Variants in ELAC2 observed in about 807,000 individuals in gnomAD.
ELAC2 encodes the protein zinc phosphodiesterase ELAC protein 2.
ELAC2 carries 92 observed loss-of-function variants against 105.2 expected under a neutral mutation model. The ratio of observed to expected loss-of-function variants is 0.87; its 90% confidence interval spans 0.74 to 1.04. The LOEUF is 1.04. Among genes scored for constraint, ELAC2 ranks in the 50% least tolerant of loss-of-function variants. The pLI, the probability that ELAC2 is intolerant of heterozygous loss-of-function variation, is 0.00. For missense variants in ELAC2, 1,099 were observed against 1,071.7 expected (o/e 1.03, Z -0.36); for synonymous variants, 468 against 409.1 (o/e 1.14, Z -1.74).
Position 12,995,925 on chromosome 17 carries a change from A to G in ELAC2, c.1698+15T>C. ...ACCGCTGAAACTCAGAACGCCCATC[A>G]AGTGCCACACTTACCAAGGCGCGTT... On this transcript the variant is annotated intron_variant, in intron 18 of 23. Transcript: ENST00000338034. The G allele has an allele frequency of 6.3e-7, 1 of 1,592,210 alleles. No individual in the cohort carries two copies. Among genetic ancestry groups the G allele is most frequent in the Non-Finnish European group, 8.6e-7 (1 of 1,167,750 alleles).
chr17:13,009,174 G>GA (rs1179656408), intron 8 of ELAC2, among the ~76,000 whole-genome samples: 11 of 152,264 alleles, frequency 7.2e-5, no homozygotes, highest in South Asian at 2.1e-4. Context: ...TAACTTTTAT[G>GA]AAAATCACAT....
intron 4 of ELAC2, among the ~76,000 whole-genome samples, chr17:13,014,996 G>A (rs55925335): frequency 0.086 from 13,061 of 152,298 alleles, 775 homozygotes; most frequent in Middle Eastern, 0.19. Flanking sequence ...GCAGTTCAGC[G>A]ATGGGTACAG....
chr17:12,995,718 A>ATTCT lies in ELAC2; in HGVS notation c.1792_1793insAGAA (p.Val598GlufsTer19). On this transcript the variant is annotated frameshift_variant, in exon 19 of 24. Coordinates refer to ENST00000338034, the MANE Select transcript of ELAC2 (RefSeq NM_018127.7). LOFTEE classifies it high-confidence loss of function. ...GGATGCTCACCTGATGTGGTGCAGGACCTCCTGGCACTGGTTGTGGTACTG... is the reference window on the plus strand; with the variant it reads ...GGATGCTCACCTGATGTGGTGCAGGATTCTCCTCCTGGCACTGGTTGTGGTACTG... 1 of 1,611,610 alleles carries ATTCT rather than the reference A, an allele frequency of 6.2e-7. No homozygotes were observed. Among genetic ancestry groups the ATTCT allele is most frequent in the South Asian group, 1.1e-5 (1 of 90,388 alleles).
chr17:12,997,103 C>T (rs1477199870), intron 16 of ELAC2, among the ~76,000 whole-genome samples: 1 of 152,162 alleles, frequency 6.6e-6, no homozygotes, highest in Non-Finnish European at 1.5e-5. Context: ...TCGGACTTTT[C>T]CCCCTTTGCA....
At position 12,993,031 on chromosome 17, in the gene ELAC2, GTC is replaced by G. The variant is rs2040267666; in HGVS notation, c.2266_2267del (p.Asp756LeufsTer112). 2 of 1,603,432 alleles carry G rather than the reference GTC, an allele frequency of 1.2e-6. No individual in the cohort carries two copies. The highest frequency in any genetic ancestry group is 1.7e-6 in the Non-Finnish European group (2 of 1,178,762). On this transcript the variant is annotated frameshift_variant, in exon 24 of 24. Coordinates refer to ENST00000338034, the MANE Select transcript of ELAC2 (RefSeq NM_018127.7). LOFTEE classifies it low-confidence loss of function (END_TRUNC). ...GAATCAGCTTGGGCATTGTTGGAAA[GTC>G]TCCAAAGCAGACCTAGAAGACACAA... The part of the protein sequence containing the change: ...AFDHMKVCFG[D>X]FPTMPKLIPP...
intron 11 of ELAC2, among the ~76,000 whole-genome samples, chr17:13,004,507 C>T (rs545576830): frequency 3.3e-5 from 5 of 152,184 alleles, no homozygotes; most frequent in Non-Finnish European, 7.3e-5. Context: ...TGGTTAACTT[C>T]GATAGAGGAC....
At position 13,013,229 on chromosome 17, in the gene ELAC2, T is replaced by G. The variant is rs755930395; in HGVS notation, c.537A>C (p.Thr179=). ...SAPEYEDETM[T]VYQIPIHSEQ... ...CACTGTGTATGGGGATCTGGTAAAC[T>G]GTCATGGTTTCATCCTCGTATTCTG... The change falls in exon 6 of 24, where the codon ACA becomes ACC. Residue 179 remains threonine, a synonymous_variant. Coordinates refer to ENST00000338034, the MANE Select transcript of ELAC2 (RefSeq NM_018127.7). The G allele has an allele frequency of 2.2e-5, 35 of 1,614,200 alleles. 1 individual carries two copies. The South Asian group carries it at 2.3e-4, about 11-fold the overall frequency.
chr17:13,016,424 TA>T, intron 3 of ELAC2, among the ~76,000 whole-genome samples: 1 of 152,316 alleles, frequency 6.6e-6, no homozygotes, highest in East Asian at 1.9e-4. Flanking sequence ...GTGGTATCCA[TA>T]TTAAAATCTG....
Position 13,002,495 on chromosome 17 carries a change from C to G in ELAC2, c.1164G>C (p.Gln388His). 2 of 1,607,282 alleles carry G rather than the reference C, an allele frequency of 1.2e-6. No homozygotes were observed. The highest frequency in any genetic ancestry group is 1.7e-6 in the Non-Finnish European group (2 of 1,176,408). Residue 388 changes from glutamine (Q) to histidine (H), a missense_variant, in exon 13 of 24, where the codon CAG becomes CAC. Coordinates refer to ENST00000338034, the MANE Select transcript of ELAC2 (RefSeq NM_018127.7). ...HNLRSHKIQT[Q>H]LNLIHPDIFP... ...AGATGTCCGGGTGGATGAGGTTGAG[C>G]TGGGTTTGAATCTTGTGGCTGCGAA...
In ELAC2 at chr17:13,011,791, T is replaced by C; in HGVS notation, c.560-9A>G. On this transcript the variant is annotated splice_polypyrimidine_tract_variant and intron_variant, in intron 6 of 23. Transcript: ENST00000338034. Reference sequence around the variant, plus strand: ...TCCCCTCCTCTGTTCACCTGGTCAGTACAGATACCACCAAATTACACACTG... The same window carrying C: ...TCCCCTCCTCTGTTCACCTGGTCAGCACAGATACCACCAAATTACACACTG... 6.2e-7 allele frequency: 1 copy of C among 1,614,130 alleles called. No homozygotes were observed. Among genetic ancestry groups the C allele is most frequent in the East Asian group, 2.2e-5 (1 of 44,868 alleles).
intron 7 of ELAC2, among the ~76,000 whole-genome samples, chr17:13,011,260 T>TGGAAGAC (rs915749713): frequency 1.2e-4 from 18 of 152,378 alleles, no homozygotes; most frequent in East Asian, 1.2e-3. Context: ...GCTGTCATTC[T>TGGAAGAC]GGAAGACGTG....
At chr17:12,996,216 C>T (rs1227975827) in intron 17 of ELAC2, 32 of 635,692 alleles carry the variant, frequency 5.0e-5, no homozygotes, top group Non-Finnish European at 8.2e-5. Context: ...GCCCGGCACC[C>T]CAGGAGACCA....
chr17:12,992,446 C>T lies in ELAC2; in HGVS notation c.*372G>A. On this transcript the variant is annotated 3_prime_UTR_variant, in exon 24 of 24. Coordinates refer to ENST00000338034, the MANE Select transcript of ELAC2 (RefSeq NM_018127.7). ...TACTATTTTCGTTAAGTCTCGGACA[C>T]TTAGACCCACTGATCCTGTTACTCT... 1 of 416,524 alleles carries T rather than the reference C, an allele frequency of 2.4e-6. No individual in the cohort carries two copies. The highest frequency in any genetic ancestry group is 4.1e-5 in the East Asian group (1 of 24,218). The allele number at this position is 416,524 out of a possible 1,614,324, so 25.8% of individuals were successfully genotyped here.
intron 16 of ELAC2, among the ~76,000 whole-genome samples, chr17:12,998,047 C>G (rs1271493288): frequency 2.0e-5 from 3 of 152,194 alleles, no homozygotes; most frequent in African/African-American, 7.2e-5. Flanking sequence ...CTGTAGGAAC[C>G]ATAGCAAGTC....
At chr17:13,010,422 G>T (rs916724840) in intron 8 of ELAC2, among the ~76,000 whole-genome samples, 191 bp downstream of exon 8, 9 of 152,318 alleles carry the variant, frequency 5.9e-5, no homozygotes, top group East Asian at 1.9e-4. Flanking sequence ...ACCTGCCTTG[G>T]ACTCCCAAAG....
intron 8 of ELAC2, among the ~76,000 whole-genome samples, chr17:13,006,726 G>A (rs986119633): frequency 6.6e-6 from 1 of 152,196 alleles, no homozygotes; most frequent in Non-Finnish European, 1.5e-5. Flanking sequence ...CAATGACAGT[G>A]ATAGGCTAAC....
chr17:13,005,211 T>G lies in ELAC2; in HGVS notation c.871-110A>C, dbSNP rs1206891179. 10 of 826,476 alleles carry G rather than the reference T, an allele frequency of 1.2e-5. No individual in the cohort carries two copies. The South Asian group carries it at 1.3e-4, about 11-fold the overall frequency. 51.2% of individuals were successfully genotyped at this position (826,476 alleles called of 1,614,324 possible). ...ATATCCTATCCAGTGAGCTGAGAGG[T>G]AAACAAAGCACAAAACCAACTTTAC... On this transcript the variant is annotated intron_variant, in intron 10 of 23. Coordinates refer to ENST00000338034, the MANE Select transcript of ELAC2 (RefSeq NM_018127.7).
At chr17:13,013,059 A>AT in intron 6 of ELAC2, 148 bp downstream of exon 6, 1 of 859,668 alleles carries the variant, frequency 1.2e-6, no homozygotes. Flanking sequence ...GGCAGGAGCC[A>AT]TATCTTCATT....
chr17:12,994,310 C>T (rs959320530), intron 22 of ELAC2, 115 bp downstream of exon 22: 22 of 1,200,952 alleles, frequency 1.8e-5, no homozygotes, highest in Non-Finnish European at 2.6e-5. Context: ...CCCCCATAGC[C>T]CTTGATAGGA....
Sources: allele counts gnomAD v4.1 joint callset (sites outside exome capture counted in the v4.1 genomes callset), GRCh38; gene constraint gnomAD v4.1.1; transcripts MANE v1.5; gene names NCBI Gene and HGNC (gene_info 2026-07-23, HGNC 2026-07-21).